GLMN: variants seen among roughly 807,000 people sequenced by gnomAD.
GLMN encodes the protein glomulin.
In GLMN, 75 loss-of-function variants were observed where a neutral mutation model predicts 87.8. The observed-to-expected ratio is 0.85, with a 90% confidence interval of 0.71 to 1.04. GLMN has a LOEUF of 1.04. Ranked by LOEUF, GLMN falls within the 50% of genes least tolerant of loss-of-function variation. The pLI, the probability that GLMN is intolerant of heterozygous loss-of-function variation, is 0.00. For synonymous variants in GLMN, 206 were observed against 221.6 expected (o/e 0.93, Z 0.63); for missense variants, 588 against 658.8 (o/e 0.89, Z 1.18).
At chr1:92,352,505 A>G in the GLMN span, among the ~76,000 whole-genome samples, 4 of 152,294 alleles carry the variant, frequency 2.6e-5, no homozygotes, top group East Asian at 7.7e-4. Context: ...TGAACATACC[A>G]TGAAAAACAA....
At chr1:92,336,547 A>G in the GLMN span, 2 of 655,762 alleles carry the variant, frequency 3.0e-6, no homozygotes, top group African/African-American at 3.7e-5. Context: ...ATCTAAATAC[A>G]GTATTCTATT....
At chr1:92,325,109 G>A in the GLMN span, among the ~76,000 whole-genome samples, 1 of 152,094 alleles carries the variant, frequency 6.6e-6, no homozygotes, top group Admixed American at 6.5e-5. Context: ...TTGAAAATGT[G>A]CCACTGAGAT....
chr1:92,335,157 A>G, the GLMN span, among the ~76,000 whole-genome samples: 1 of 152,036 alleles, frequency 6.6e-6, no homozygotes, highest in African/African-American at 2.4e-5. Flanking sequence ...TCCCACCAAC[A>G]CTGTATGAGG....
At chr1:92,280,282 A>G (rs1647865415) in intron 7 of GLMN, among the ~76,000 whole-genome samples, 1 of 152,192 alleles carries the variant, frequency 6.6e-6, no homozygotes, top group African/African-American at 2.4e-5. Flanking sequence ...TCAGGCAGCA[A>G]TATTTGCTCT....
rs923429315 is a variant in GLMN, at chr1:92,266,192, G to A, written c.1214+227C>T. Among the ~76,000 whole-genome samples, 5 of 152,048 alleles carry A rather than the reference G, an allele frequency of 3.3e-5. No individual in the cohort carries two copies. In the East Asian group the frequency reaches 7.7e-4, roughly 23 times the overall value. On this transcript the variant is annotated intron_variant, in intron 13 of 18. Coordinates refer to ENST00000370360, the MANE Select transcript of GLMN (RefSeq NM_053274.3). Reference sequence around the variant, plus strand: ...TTAGAGTATTCCAATTGATTGAACTGCAATATATACTATTAGTCATACAAA... The same window carrying A: ...TTAGAGTATTCCAATTGATTGAACTACAATATATACTATTAGTCATACAAA...
Position 92,297,547 on chromosome 1 carries a change from A to C in GLMN, c.40-18T>G. On this transcript the variant is annotated intron_variant, in intron 2 of 18. Transcript: ENST00000370360. The stretch of plus-strand genomic sequence containing the variant: ...AGGATTTGCTGGCAAAAAAAAAAAA[A>C]ACCCAAAAAACAAACAAAAAAAAGT... 3.8e-6 allele frequency: 6 copies of C among 1,583,556 alleles called. No individual in the cohort carries two copies. The highest frequency in any genetic ancestry group is 5.2e-6 in the Non-Finnish European group (6 of 1,164,072).
At chr1:92,286,617 A>G in intron 6 of GLMN, 25 bp from the exon 7 acceptor site, 1 of 1,104,044 alleles carries the variant, frequency 9.1e-7, no homozygotes, top group East Asian at 2.4e-5. Context: ...ATAGGTAACT[A>G]TGAAATCAAC....
intron 16 of GLMN, chr1:92,248,337 A>G (rs1557499997): frequency 1.0e-5 from 2 of 199,124 alleles, no homozygotes; most frequent in East Asian, 2.9e-4. Flanking sequence ...TTATGCCTTC[A>G]TCCCAAGTAT....
rs1375752105 is a variant in GLMN at position 92,288,928 on chromosome 1, A to T, written c.618T>A (p.Asp206Glu). 3.3e-6 allele frequency: 5 copies of T among 1,534,334 alleles called. No individual in the cohort carries two copies. In the South Asian group the frequency reaches 5.6e-5, roughly 17 times the overall value. ...ATTATACTTACAATTTCAGTAATTC[A>T]TCCTTTAACTTTTCATTTTCCAGTG... ...ENSLENEKLK[D>E]ELLKFCFKSL... The change falls in exon 6 of 19, where the codon GAT becomes GAA. Residue 206 changes from aspartate (D) to glutamate (E), a missense_variant. Transcript: ENST00000370360.
At chr1:92,321,810 A>G in the GLMN span, among the ~76,000 whole-genome samples, 1 of 151,946 alleles carries the variant, frequency 6.6e-6, no homozygotes, top group Admixed American at 6.6e-5. Flanking sequence ...CATTCTGTAG[A>G]ATTTTCTGTA....
intron 7 of GLMN, among the ~76,000 whole-genome samples, chr1:92,273,745 C>T (rs1406093993): frequency 2.6e-5 from 4 of 151,982 alleles, no homozygotes; most frequent in Admixed American, 2.6e-4. Context: ...CGGGAGCTAC[C>T]GTGCCCAGCC....
chr1:92,336,482 C>A, the GLMN span: 2 of 1,197,374 alleles, frequency 1.7e-6, no homozygotes, highest in Admixed American at 1.8e-5. Context: ...TATTTATTGC[C>A]TTGCAGAATC....
the GLMN span, chr1:92,304,152 A>C: frequency 2.4e-6 from 3 of 1,265,546 alleles, no homozygotes; most frequent in African/African-American, 3.0e-5. Flanking sequence ...AAGAATAAGA[A>C]ATAAAACCTA....
chr1:92,310,801 TAAG>T, the GLMN span, among the ~76,000 whole-genome samples: 1 of 151,746 alleles, frequency 6.6e-6, no homozygotes, highest in Non-Finnish European at 1.5e-5. Context: ...GGAGGCTGAG[TAAG>T]AAGAACCGCT....
chr1:92,354,309 A>G, the GLMN span, among the ~76,000 whole-genome samples: 1 of 152,176 alleles, frequency 6.6e-6, no homozygotes, highest in African/African-American at 2.4e-5. Flanking sequence ...TTACATTTCA[A>G]TCTTAGAGTA....
At chr1:92,292,586 CTTTTTT>C (rs1161512049) in intron 3 of GLMN, among the ~76,000 whole-genome samples, 1 of 125,362 alleles carries the variant, frequency 8.0e-6, no homozygotes, top group Non-Finnish European at 1.7e-5. Flanking sequence ...AATTTTTTGC[CTTTTTT>C]TTTTTTTTTT....
At chr1:92,352,684 T>C in the GLMN span, among the ~76,000 whole-genome samples, 13 of 152,332 alleles carry the variant, frequency 8.5e-5, no homozygotes, top group Admixed American at 1.3e-4. Flanking sequence ...CTGTTTAAAG[T>C]TGAGATAAAA....
At chr1:92,367,565 C>CT in the GLMN span, among the ~76,000 whole-genome samples, 2 of 152,206 alleles carry the variant, frequency 1.3e-5, no homozygotes, top group Admixed American at 1.3e-4. Flanking sequence ...CCAATGTTAT[C>CT]TTTTAGCAGT....
At chr1:92,273,439 CTGTT>C (rs1656459354) in intron 7 of GLMN, among the ~76,000 whole-genome samples, 1 of 135,872 alleles carries the variant, frequency 7.4e-6, no homozygotes, top group Admixed American at 7.8e-5. Flanking sequence ...TAAGGTAGCC[CTGTT>C]TTTTTTTTTT....
Sources: gnomAD v4.1 joint callset for allele counts (sites outside exome capture counted in the v4.1 genomes callset) on GRCh38, gnomAD v4.1.1 for gene constraint, MANE v1.5 for transcripts, NCBI Gene and HGNC (gene_info 2026-07-23, HGNC 2026-07-21) for gene names.